HIVEP3: variants seen among roughly 807,000 people sequenced by gnomAD.
The protein encoded by HIVEP3 is HIVEP zinc finger 3.
Under a neutral mutation model 152.8 loss-of-function variants are expected in HIVEP3, and 49 were observed. That is an observed-to-expected ratio of 0.32 (90% CI 0.26 to 0.41). HIVEP3 has a LOEUF of 0.41. Ranked by LOEUF, HIVEP3 falls within the 10% of genes least tolerant of loss-of-function variation. The pLI, the probability that HIVEP3 is intolerant of heterozygous loss-of-function variation, is 1.00. For synonymous variants in HIVEP3, 1,269 were observed against 1,289.0 expected (o/e 0.98, Z 0.33); for missense variants, 2,790 against 3,103.3 (o/e 0.90, Z 2.40).
chr1:41,875,939 T>G lies in HIVEP3; in HGVS notation c.-801+42474A>C, dbSNP rs1031526184. ...CCCCCACCGGGATGCAAGTTCCACA[T>G]GGGTACGAACTAGGTCTGTCTTGTT... On this transcript the variant is annotated intron_variant, in intron 1 of 8. Coordinates refer to ENST00000372583, the MANE Select transcript of HIVEP3 (RefSeq NM_024503.5). Among the ~76,000 whole-genome samples the G allele has an allele frequency of 5.9e-5, 9 of 152,226 alleles. No homozygotes were observed. The East Asian group carries it at 1.7e-3, about 29-fold the overall frequency.
intron 1 of HIVEP3, among the ~76,000 whole-genome samples, chr1:42,030,873 AT>A (rs1645609065): frequency 1.3e-5 from 2 of 152,220 alleles, no homozygotes; most frequent in South Asian, 4.1e-4. Flanking sequence ...TATTTTCTCC[AT>A]TTTTGTACAT....
rs578057265 is a variant in HIVEP3, at chr1:41,528,851, C to G, written c.5208-3941G>C. ...ACACTTTCACACACCCCTGCCCTTA[C>G]ACTCACCTTCACACACTCCACACTT... On this transcript the variant is annotated intron_variant, in intron 5 of 8. Transcript: ENST00000372583. 1.0e-4 allele frequency among the ~76,000 whole-genome samples: 14 copies of G among 139,896 alleles called. No individual in the cohort carries two copies. In the South Asian group the frequency reaches 3.4e-3, roughly 34 times the overall value. The allele number at this position is 139,896 out of a possible 152,430, so 91.8% of individuals were successfully genotyped here.
At chr1:41,836,341 G>A (rs1433508818) in intron 1 of HIVEP3, among the ~76,000 whole-genome samples, 1 of 152,220 alleles carries the variant, frequency 6.6e-6, no homozygotes. Context: ...GCAGGAGAAG[G>A]ACAGGCAGAG....
chr1:41,831,587 G>A (rs1642966712), intron 1 of HIVEP3, among the ~76,000 whole-genome samples: 2 of 152,156 alleles, frequency 1.3e-5, no homozygotes. Context: ...CATGTGAGAC[G>A]CTGCAGTTAA....
chr1:41,949,398 T>C (rs1359640851), intron 1 of HIVEP3, among the ~76,000 whole-genome samples: 1 of 152,264 alleles, frequency 6.6e-6, no homozygotes, highest in Non-Finnish European at 1.5e-5. Context: ...ACTGACTTCC[T>C]GGTCACCTTG....
intron 2 of HIVEP3, among the ~76,000 whole-genome samples, chr1:41,670,684 C>T (rs1322506833): frequency 6.6e-6 from 1 of 152,156 alleles, no homozygotes; most frequent in Non-Finnish European, 1.5e-5. Flanking sequence ...AGATGAGTCA[C>T]AAGTTTAAAT....
At chr1:41,565,523 G>A (rs925693858) in intron 5 of HIVEP3, among the ~76,000 whole-genome samples, 3 of 119,996 alleles carry the variant, frequency 2.5e-5, no homozygotes, top group African/African-American at 6.3e-5. Flanking sequence ...GATAAAAACT[G>A]AAAGACACAC....
At chr1:41,736,497 C>T (rs710236) in intron 1 of HIVEP3, among the ~76,000 whole-genome samples, 31,014 of 152,160 alleles carry the variant, frequency 0.2, 9,340 homozygotes, top group African/African-American at 0.66. Context: ...AGAAAACAGC[C>T]TCCCCAGGTA....
chr1:41,997,272 C>A (rs1190240378), intron 1 of HIVEP3, among the ~76,000 whole-genome samples: 1 of 152,176 alleles, frequency 6.6e-6, no homozygotes, highest in Admixed American at 6.5e-5. Flanking sequence ...GGAAGGAGTG[C>A]CAATAAATGT....
At chr1:42,034,101 G>T (rs1356204839) in intron 1 of HIVEP3, among the ~76,000 whole-genome samples, 1 of 152,064 alleles carries the variant, frequency 6.6e-6, no homozygotes, top group African/African-American at 2.4e-5. Context: ...ACCAAATCTT[G>T]TTAGCTCTGA....
rs1279722653 is a variant in HIVEP3 at position 41,624,082 on chromosome 1, G to A, written c.-522+4667C>T. Among the ~76,000 whole-genome samples the A allele has an allele frequency of 2.0e-5, 3 of 152,254 alleles. No homozygotes were observed. The East Asian group carries it at 5.8e-4, about 29-fold the overall frequency. On this transcript the variant is annotated intron_variant, in intron 3 of 8. Coordinates refer to ENST00000372583, the MANE Select transcript of HIVEP3 (RefSeq NM_024503.5). ...CCAAGCCTCAGCAGAAGCTCACATG[G>A]CCTCCCTGGGTTGCGAAGAGTACTA... is the stretch of plus-strand genomic sequence containing the variant.
intron 1 of HIVEP3, among the ~76,000 whole-genome samples, chr1:41,849,304 T>C (rs1168118197): frequency 6.6e-6 from 1 of 152,204 alleles, no homozygotes; most frequent in African/African-American, 2.4e-5. Flanking sequence ...CACGCAGATA[T>C]ATCTACCAAG....
At chr1:41,652,439 C>T (rs1645565360) in intron 2 of HIVEP3, among the ~76,000 whole-genome samples, 1 of 152,068 alleles carries the variant, frequency 6.6e-6, no homozygotes, top group Non-Finnish European at 1.5e-5. Context: ...GGGGACGTGC[C>T]TGGAGGAGTG....
intron 1 of HIVEP3, among the ~76,000 whole-genome samples, chr1:41,788,603 G>A (rs1339674475): frequency 1.3e-5 from 2 of 151,830 alleles, no homozygotes; most frequent in African/African-American, 4.8e-5. Context: ...GCACAGGTTA[G>A]GCACAGGCAT....
rs537547526 is a variant in HIVEP3 at position 41,781,241 on chromosome 1, T to A, written c.-800-80246A>T. The stretch of plus-strand genomic sequence containing the variant: ...TGAAGGGGTCCCTATCTTACCAGTG[T>A]ACACAACCAGGTGGGGAAAGTTATC... On this transcript the variant is annotated intron_variant, in intron 1 of 8. Coordinates refer to ENST00000372583, the MANE Select transcript of HIVEP3 (RefSeq NM_024503.5). Among the ~76,000 whole-genome samples, 134 of 152,312 alleles carry A rather than the reference T, an allele frequency of 8.8e-4. 1 individual carries two copies. Among genetic ancestry groups the A allele is most frequent in the South Asian group, 6.0e-3 (29 of 4,822 alleles).
At chr1:41,627,863 ACTCC>A (rs1182346455) in intron 3 of HIVEP3, among the ~76,000 whole-genome samples, 1 of 151,334 alleles carries the variant, frequency 6.6e-6, no homozygotes, top group African/African-American at 2.4e-5. Flanking sequence ...AGGCCAGAGA[ACTCC>A]CTCCCTCCGT....
chr1:41,983,956 A>G (rs1253130449), intron 1 of HIVEP3, among the ~76,000 whole-genome samples: 2 of 152,160 alleles, frequency 1.3e-5, no homozygotes, highest in African/African-American at 4.8e-5. Context: ...ATGAAGAAAA[A>G]AAATCCATAC....
chr1:41,628,871 G>A lies in HIVEP3; in HGVS notation c.-644C>T, dbSNP rs1484601522. The A allele has an allele frequency of 1.6e-6, 2 of 1,231,942 alleles. No homozygotes were observed. The highest frequency in any genetic ancestry group is 4.2e-5 in the Admixed American group (1 of 23,696). 76.3% of individuals were successfully genotyped at this position (1,231,942 alleles called of 1,614,324 possible). A position where few individuals can be genotyped will look rare whatever the true frequency, so the allele number is the denominator to read the frequency against. ...TAGGCGCCGCTCTTCCCACCAGAGG[G>A]GCGGGCTTGCTTGGCCAGGACCCCG... On this transcript the variant is annotated 5_prime_UTR_variant, in exon 3 of 9. Coordinates refer to ENST00000372583, the MANE Select transcript of HIVEP3 (RefSeq NM_024503.5).
At chr1:41,807,136 T>C (rs1271706264) in intron 1 of HIVEP3, among the ~76,000 whole-genome samples, 1 of 152,110 alleles carries the variant, frequency 6.6e-6, no homozygotes, top group Non-Finnish European at 1.5e-5. Flanking sequence ...GTAGAGCGCA[T>C]TTAGTCTTCT....
Sources: gnomAD v4.1 joint callset for allele counts (sites outside exome capture counted in the v4.1 genomes callset) on GRCh38, gnomAD v4.1.1 for gene constraint, MANE v1.5 for transcripts, NCBI Gene and HGNC (gene_info 2026-07-23, HGNC 2026-07-21) for gene names.